PNPLA7: variants seen among roughly 807,000 people sequenced by gnomAD.
PNPLA7 encodes the protein patatin-like phospholipase domain-containing protein 7.
In PNPLA7, 153 loss-of-function variants were observed where a neutral mutation model predicts 161.7. That is an observed-to-expected ratio of 0.95 (90% CI 0.83 to 1.08). The LOEUF (loss-of-function observed/expected upper bound fraction) is 1.08, where lower values mean the gene tolerates loss of function less well. Ranked by LOEUF, PNPLA7 falls within the 50% of genes least tolerant of loss-of-function variation. PNPLA7 has a pLI of 0.00. For missense variants in PNPLA7, 1,739 were observed against 1,856.6 expected (o/e 0.94, Z 1.16); for synonymous variants, 809 against 782.1 (o/e 1.03, Z -0.57).
chr9:137,500,178 G>A lies in PNPLA7; in HGVS notation c.1757+513C>T, dbSNP rs1833302977. Among the ~76,000 whole-genome samples the A allele has an allele frequency of 2.0e-5, 3 of 152,222 alleles. No individual in the cohort carries two copies. The highest frequency in any genetic ancestry group is 4.1e-4 in the South Asian group (2 of 4,836). ...GCCCGGAGCCTGGAAGGCGACACGGGCACATTCTGCCCCAAGAAGGGACAC... is the reference window on the plus strand; with the variant it reads ...GCCCGGAGCCTGGAAGGCGACACGGACACATTCTGCCCCAAGAAGGGACAC... On this transcript the variant is annotated intron_variant, in intron 16 of 34. Transcript: ENST00000406427. The surrounding 1 kb of genome is among the most constrained non-coding windows in gnomAD (Gnocchi z 5.5).
intron 11 of PNPLA7, among the ~76,000 whole-genome samples, chr9:137,518,183 TCC>T (rs1434579176): frequency 1.0e-5 from 1 of 96,246 alleles, no homozygotes; most frequent in Non-Finnish European, 2.0e-5. Context: ...GTCCACTCCA[TCC>T]CCCACTCACT....
rs2132286819 is a variant in PNPLA7, at chr9:137,500,989, A to G, written c.1552-93T>C. ...CAGAGCGGACGATGCCACCAGGCTC[A>G]GCCGGGAGACCATCCGCCGACCTGA... On this transcript the variant is annotated intron_variant, in intron 15 of 34. Coordinates refer to ENST00000406427, the MANE Select transcript of PNPLA7 (RefSeq NM_001098537.3). The surrounding 1 kb of genome is among the most constrained non-coding windows in gnomAD (Gnocchi z 5.5). 1 of 1,201,122 alleles carries G rather than the reference A, an allele frequency of 8.3e-7. No individual in the cohort carries two copies. 74.4% of individuals were successfully genotyped at this position (1,201,122 alleles called of 1,614,324 possible). A position where few individuals can be genotyped will look rare whatever the true frequency, so the allele number is the denominator to read the frequency against.
rs1480360446 is a variant in PNPLA7, at chr9:137,503,243, G to A, written c.1474-1516C>T. Reference sequence around the variant, plus strand: ...CTAAAAATACAAAACTCAGCTAGGTGTGTTAGTGAGGCCTGTGGTTCCAAC... The same window carrying A: ...CTAAAAATACAAAACTCAGCTAGGTATGTTAGTGAGGCCTGTGGTTCCAAC... On this transcript the variant is annotated intron_variant, in intron 14 of 34. Coordinates refer to ENST00000406427, the MANE Select transcript of PNPLA7 (RefSeq NM_001098537.3). 3.9e-5 allele frequency among the ~76,000 whole-genome samples: 6 copies of A among 151,986 alleles called. No homozygotes were observed. In the East Asian group the frequency reaches 9.6e-4, roughly 24 times the overall value.
At chr9:137,535,529 C>A (rs557012261) in intron 8 of PNPLA7, among the ~76,000 whole-genome samples, 2 of 152,112 alleles carry the variant, frequency 1.3e-5, no homozygotes, top group South Asian at 2.1e-4. Flanking sequence ...CCGAGGCAGG[C>A]GGATCACAAG....
At chr9:137,480,557 G>A in intron 22 of PNPLA7, 77 bp from the exon 23 acceptor site, 2 of 1,480,690 alleles carry the variant, frequency 1.4e-6, no homozygotes, top group Non-Finnish European at 1.8e-6. Flanking sequence ...GGGCAAAGAG[G>A]CAGCAGAGGC....
rs370995327 is a variant in PNPLA7, at chr9:137,550,122, C to A, written c.30+46G>T. The A allele has an allele frequency of 1.1e-5, 17 of 1,610,372 alleles. No homozygotes were observed. The East Asian group carries it at 1.8e-4, about 17-fold the overall frequency. ...GGACCCTTCTCTGGGTCCAGAAATG[C>A]CCCCCAACTGGGAAATCCAGGCATC... On this transcript the variant is annotated intron_variant, in intron 1 of 34. Transcript: ENST00000406427.
chr9:137,526,636 C>T lies in PNPLA7; in HGVS notation c.748-3779G>A, dbSNP rs1464651224. Among the ~76,000 whole-genome samples, 6 of 152,292 alleles carry T rather than the reference C, an allele frequency of 3.9e-5. No homozygotes were observed. In the East Asian group the frequency reaches 1.2e-3, roughly 29 times the overall value. ...TCTAGAATATTGAATCTGAGGGGGT[C>T]ACAGGAATCCCTGAAGTTGTAACCA... On this transcript the variant is annotated intron_variant, in intron 8 of 34. Transcript: ENST00000406427.
At chr9:137,515,548 T>A (rs772762946) in intron 11 of PNPLA7, 29 bp from the exon 12 acceptor site, 9 of 1,508,074 alleles carry the variant, frequency 6.0e-6, no homozygotes, top group Admixed American at 4.6e-5. Context: ...TAAGCAACCT[T>A]GTTTGCACGC....
At chr9:137,493,545 C>T in intron 19 of PNPLA7, among the ~76,000 whole-genome samples, 1 of 152,244 alleles carries the variant, frequency 6.6e-6, no homozygotes, top group Non-Finnish European at 1.5e-5. Flanking sequence ...CTGACTGGAC[C>T]AAACGGTCCC....
At chr9:137,528,892 A>G (rs944765191) in intron 8 of PNPLA7, among the ~76,000 whole-genome samples, 4 of 150,942 alleles carry the variant, frequency 2.7e-5, no homozygotes, top group East Asian at 2.0e-4. Flanking sequence ...AGTAGAGACG[A>G]GGTTTCACTG....
chr9:137,467,603 G>C lies in PNPLA7; in HGVS notation c.2883-130C>G, dbSNP rs1352420749. The C allele has an allele frequency of 8.0e-7, 1 of 1,256,730 alleles. No individual in the cohort carries two copies. The highest frequency in any genetic ancestry group is 1.1e-6 in the Non-Finnish European group (1 of 925,438). 77.8% of individuals were successfully genotyped at this position (1,256,730 alleles called of 1,614,324 possible). On this transcript the variant is annotated intron_variant, in intron 25 of 34. Coordinates refer to ENST00000406427, the MANE Select transcript of PNPLA7 (RefSeq NM_001098537.3). The surrounding 1 kb of genome is among the most constrained non-coding windows in gnomAD (Gnocchi z 5.1). ...GACGCTGACGCAGAGAGGGACTCCAGATGCAGTTTAAAACCCCTCTTTCCG... is the reference window on the plus strand; with the variant it reads ...GACGCTGACGCAGAGAGGGACTCCACATGCAGTTTAAAACCCCTCTTTCCG...
In PNPLA7 at chr9:137,543,574, T is replaced by C; in HGVS notation, c.366-2A>G. On this transcript the variant is annotated splice_acceptor_variant, in intron 5 of 34. Coordinates refer to ENST00000406427, the MANE Select transcript of PNPLA7 (RefSeq NM_001098537.3). LOFTEE classifies it high-confidence loss of function. The surrounding 1 kb of genome is among the most constrained non-coding windows in gnomAD (Gnocchi z 6.9). ...TATTCCTTCTTGAAACGCAGAATCC[T>C]ACAAGGCAGAGACACACTAGCCTTG... The C allele has an allele frequency of 6.2e-7, 1 of 1,610,776 alleles. No homozygotes were observed. Among genetic ancestry groups the C allele is most frequent in the Non-Finnish European group, 8.5e-7 (1 of 1,178,382 alleles).
intron 11 of PNPLA7, among the ~76,000 whole-genome samples, chr9:137,519,160 A>G (rs940307408): frequency 3.3e-5 from 5 of 152,244 alleles, no homozygotes; most frequent in African/African-American, 9.6e-5. Context: ...TTAATTTCAC[A>G]TACTTTTGTT....
intron 20 of PNPLA7, among the ~76,000 whole-genome samples, chr9:137,487,089 C>T (rs561569294): frequency 4.9e-4 from 75 of 152,224 alleles, no homozygotes; most frequent in African/African-American, 1.6e-3. Flanking sequence ...TTCCTGAGCA[C>T]GGTGCCAGCT....
In PNPLA7 at chr9:137,520,128, G is replaced by C. The variant is rs1029573653; in HGVS notation, c.958-85C>G. On this transcript the variant is annotated intron_variant, in intron 10 of 34. Coordinates refer to ENST00000406427, the MANE Select transcript of PNPLA7 (RefSeq NM_001098537.3). The surrounding 1 kb of genome is among the most constrained non-coding windows in gnomAD (Gnocchi z 5.2). ...TGTGGGCTCCTCAAAGGTGTGACAG[G>C]TGTGGGCTCCTCAAAGGTGTGACAG... is the stretch of plus-strand genomic sequence containing the variant. 6.4e-7 allele frequency: 1 copy of C among 1,568,688 alleles called. No individual in the cohort carries two copies.
intron 25 of PNPLA7, among the ~76,000 whole-genome samples, chr9:137,471,089 G>A (rs2132098275): frequency 6.6e-6 from 1 of 152,312 alleles, no homozygotes; most frequent in South Asian, 2.1e-4. Flanking sequence ...GCAAGAAGAA[G>A]AAACAGAAAG....
Position 137,462,796 on chromosome 9 carries a change from G to A in PNPLA7, c.3381C>T (p.Ile1127=), listed in dbSNP as rs1197109012. The A allele has an allele frequency of 2.5e-6, 4 of 1,613,680 alleles. No homozygotes were observed. The highest frequency in any genetic ancestry group is 2.7e-5 in the African/African-American group (2 of 74,826). The change falls in exon 30 of 35, where the codon ATC becomes ATT. Residue 1127 remains isoleucine, a synonymous_variant. Coordinates refer to ENST00000406427, the MANE Select transcript of PNPLA7 (RefSeq NM_001098537.3). ...VARSMGAKVV[I]AIDVGSRDET... is the part of the protein sequence containing the mutation. ...CATCTCGGCTGCCCACGTCAATGGCGATCACCACTTTTGCCCCCATGGACC... is the reference window on the plus strand; with the variant it reads ...CATCTCGGCTGCCCACGTCAATGGCAATCACCACTTTTGCCCCCATGGACC...
In PNPLA7 at chr9:137,467,428, G is replaced by A; in HGVS notation, c.2928C>T (p.Gly976=). ...TGCCTCCCACCATGTCCACAGGGAT[G>A]CCGCACTCCGCCAAGGCCTTGAGAA... The part of the protein sequence containing the change: ...VGVLKALAEC[G]IPVDMVGGTS... The change falls in exon 26 of 35, where the codon GGC becomes GGT. Residue 976 remains glycine, a synonymous_variant. Coordinates refer to ENST00000406427, the MANE Select transcript of PNPLA7 (RefSeq NM_001098537.3). The surrounding 1 kb of genome is among the most constrained non-coding windows in gnomAD (Gnocchi z 5.1). 1 of 1,613,322 alleles carries A rather than the reference G, an allele frequency of 6.2e-7. No individual in the cohort carries two copies. Among genetic ancestry groups the A allele is most frequent in the East Asian group, 2.2e-5 (1 of 44,886 alleles).
chr9:137,483,768 A>G (rs1400135814), intron 21 of PNPLA7, among the ~76,000 whole-genome samples: 1 of 151,946 alleles, frequency 6.6e-6, no homozygotes, highest in East Asian at 2.0e-4. Flanking sequence ...AGAATAACTT[A>G]TAAGTATTCG....
Sources: allele counts gnomAD v4.1 joint callset (sites outside exome capture counted in the v4.1 genomes callset), GRCh38; gene constraint gnomAD v4.1.1; non-coding constraint Gnocchi (gnomAD v3.1); transcripts MANE v1.5; gene names NCBI Gene and HGNC (gene_info 2026-07-23, HGNC 2026-07-21).